Variants in RIF1 observed in about 807,000 individuals in gnomAD.
RIF1 encodes replication timing regulatory factor 1.
In RIF1, 45 loss-of-function variants were observed where a neutral mutation model predicts 247.1. The observed-to-expected ratio is 0.18, with a 90% CI of 0.14 to 0.23. The LOEUF is 0.23. Ranked by LOEUF, RIF1 falls within the 10% of genes least tolerant of loss-of-function variation. The pLI is 1.00. For missense variants in RIF1, 2,967 were observed against 2,862.5 expected, an observed-to-expected ratio of 1.04 and a Z score of -0.83; for synonymous variants, 1,087 against 978.8, an observed-to-expected ratio of 1.11 and a Z score of -2.06.
At chr2:151,526,833 ATCCT>A in the RIF1 span, 2 of 1,016,458 alleles carry the variant, frequency 2.0e-6, no homozygotes, top group Non-Finnish European at 3.0e-6. Flanking sequence ...GCTCTTCTCC[ATCCT>A]TCCCTGGTGT....
At chr2:151,458,973 T>C (rs1695684276) in intron 25 of RIF1, 63 bp downstream of exon 25, 2 of 959,482 alleles carry the variant, frequency 2.1e-6, no homozygotes, top group Admixed American at 4.6e-5. Flanking sequence ...TTGAAAGTTA[T>C]AAATAAGTAG....
At chr2:151,527,054 A>G in the RIF1 span, 15 of 1,433,598 alleles carry the variant, frequency 1.0e-5, no homozygotes, top group East Asian at 2.6e-4. Context: ...AGAAAAGGGA[A>G]GGGTGACAGC....
At chr2:151,473,006 T>C (rs74346171) in intron 34 of RIF1, among the ~76,000 whole-genome samples, 1 of 152,088 alleles carries the variant, frequency 6.6e-6, no homozygotes, top group African/African-American at 2.4e-5. Flanking sequence ...GGTCCTGGAC[T>C]TTTTTTGGTT....
chr2:151,524,616 C>T, the RIF1 span: 2 of 1,466,644 alleles, frequency 1.4e-6, no homozygotes, highest in East Asian at 5.0e-5. Context: ...CTGTAAGCGA[C>T]CTTTATTGGG....
chr2:151,437,294 A>G lies in RIF1; in HGVS notation c.1426A>G (p.Asn476Asp), dbSNP rs1427767791. 1.2e-6 allele frequency: 2 copies of G among 1,614,138 alleles called. No homozygotes were observed. Among genetic ancestry groups the G allele is most frequent in the Admixed American group, 1.7e-5 (1 of 60,016 alleles). ...SSPSFFSKHA[N>D]TLITAVHDSF... is the part of the protein sequence containing the mutation. Reference sequence around the variant, plus strand: ...CCCTTCCTTTTTTTCCAAACATGCAAATACACTTATCACTGCTGTTCATGA... The same window carrying G: ...CCCTTCCTTTTTTTCCAAACATGCAGATACACTTATCACTGCTGTTCATGA... Residue 476 changes from asparagine (N) to aspartate (D), a missense_variant, in exon 13 of 36, where the codon AAT (asparagine) becomes GAT (aspartate). Coordinates refer to ENST00000444746, the MANE Select transcript of RIF1 (RefSeq NM_018151.5).
chr2:151,524,926 A>AAT, the RIF1 span, among the ~76,000 whole-genome samples: 2 of 152,046 alleles, frequency 1.3e-5, no homozygotes, highest in Admixed American at 6.6e-5. Flanking sequence ...TTGGGCTCCC[A>AAT]AAGTGCTGGG....
chr2:151,462,946 T>C lies in RIF1; in HGVS notation c.3426T>C (p.Ala1142=). The part of the protein sequence containing the change: ...PQDVTEDCGM[A]EHLEKSSLSN... The stretch of plus-strand genomic sequence containing the variant: ...ATGTCACGGAAGACTGTGGTATGGC[T>C]GAACATCTTGAAAAGTCCTCCCTTT... Residue 1142 remains alanine (A), a synonymous_variant, in exon 30 of 36, where the codon GCT becomes GCC. Transcript: ENST00000444746. 6.2e-7 allele frequency: 1 copy of C among 1,613,986 alleles called. No individual in the cohort carries two copies. Among genetic ancestry groups the C allele is most frequent in the Non-Finnish European group, 8.5e-7 (1 of 1,179,934 alleles).
intron 20 of RIF1, 101 bp from the exon 21 acceptor site, chr2:151,451,505 A>G (rs1241544899): frequency 1.5e-6 from 1 of 685,488 alleles, no homozygotes; most frequent in East Asian, 2.7e-5. Flanking sequence ...GTTACATAGG[A>G]TATATGGGAG....
chr2:151,508,179 G>A (rs2070866148), downstream of RIF1: 1 of 1,038,948 alleles, frequency 9.6e-7, no homozygotes, highest in African/African-American at 1.6e-5. Flanking sequence ...ACCTAAAATA[G>A]GCTATTTTAG....
chr2:151,505,768 G>A (rs978810845), intron 12 of RIF1, among the ~76,000 whole-genome samples: 1 of 152,132 alleles, frequency 6.6e-6, no homozygotes, highest in Non-Finnish European at 1.5e-5. Flanking sequence ...GGGACGCTTT[G>A]TCTCTCTCTC....
chr2:151,513,593 T>A, the RIF1 span: 1 of 1,606,486 alleles, frequency 6.2e-7, no homozygotes, highest in East Asian at 2.2e-5. Context: ...ACTGGCAATA[T>A]CAGTAGCATT....
rs1043981836 is a variant in RIF1, at chr2:151,465,049, T to C, written c.5529T>C (p.Ser1843=). 1 of 1,590,198 alleles carries C rather than the reference T, an allele frequency of 6.3e-7. No homozygotes were observed. Among genetic ancestry groups the C allele is most frequent in the African/African-American group, 1.4e-5 (1 of 73,090 alleles). The change falls in exon 30 of 36, where the codon TCT becomes TCC. Residue 1843 remains serine (S), a synonymous_variant. Transcript: ENST00000444746. ...NFREEICDMD[S]SEAMSLESQE... The stretch of plus-strand genomic sequence containing the variant: ...GAGAGGAAATTTGTGATATGGATTC[T>C]AGTGAAGCAATGTCTCTTGAAAGCC...
intron 10 of RIF1, chr2:151,496,918 T>TTTTTC: frequency 6.5e-7 from 1 of 1,535,378 alleles, no homozygotes; most frequent in Non-Finnish European, 8.8e-7. Context: ...GTAAGTAGTT[T>TTTTTC]TTTTCTTTTC....
chr2:151,515,698 A>G, the RIF1 span, among the ~76,000 whole-genome samples: 1 of 152,186 alleles, frequency 6.6e-6, no homozygotes, highest in Non-Finnish European at 1.5e-5. Flanking sequence ...TTTTAATAGA[A>G]TTTTAAATTT....
intron 2 of RIF1, among the ~76,000 whole-genome samples, chr2:151,411,040 C>T (rs1291869555): frequency 6.6e-6 from 1 of 152,126 alleles, no homozygotes; most frequent in East Asian, 1.9e-4. Flanking sequence ...TCACAACTTG[C>T]ATGTACTCGA....
intron 9 of RIF1, chr2:151,493,860 T>A (rs2152864489): frequency 2.6e-6 from 4 of 1,557,074 alleles, no homozygotes; most frequent in Non-Finnish European, 3.5e-6. Context: ...GTTCTCTTTG[T>A]ATAACACCTG....
the RIF1 span, chr2:151,524,654 CTTTTTTTTTTTTTTTTT>C: frequency 7.2e-4 from 185 of 257,382 alleles, 3 homozygotes; most frequent in South Asian, 4.7e-3. Flanking sequence ...AAGAGAGAGG[CTTTTTTTTTTTTTTTTT>C]TTTTTTTTTT....
the RIF1 span, chr2:151,529,383 G>T: frequency 2.9e-6 from 3 of 1,029,188 alleles, no homozygotes; most frequent in South Asian, 1.3e-5. Flanking sequence ...TAAAAAACAA[G>T]AAATTAAATC....
rs1217489038 is a variant in RIF1, at chr2:151,475,153, A to G, written c.*82A>G. 3.0e-5 allele frequency: 29 copies of G among 962,178 alleles called. 1 individual carries two copies. Among genetic ancestry groups the G allele is most frequent in the Non-Finnish European group, 4.4e-5 (27 of 615,446 alleles). The allele number at this position is 962,178 out of a possible 1,614,324, so 59.6% of individuals were successfully genotyped here. ...AAACAAGTTCTGAAATAATAGCACA[A>G]TTTCAAAGAAGAGACTCTTTGCAAA... On this transcript the variant is annotated 3_prime_UTR_variant, in exon 36 of 36. Coordinates refer to ENST00000444746, the MANE Select transcript of RIF1 (RefSeq NM_018151.5).
Sources: allele counts gnomAD v4.1 joint callset (sites outside exome capture counted in the v4.1 genomes callset), GRCh38; gene constraint gnomAD v4.1.1; transcripts MANE v1.5; gene names NCBI Gene and HGNC (gene_info 2026-07-23, HGNC 2026-07-21).